GCN1: variants seen among roughly 807,000 people sequenced by gnomAD.
GCN1 encodes the protein GCN1 activator of EIF2AK4, also known as stalled ribosome sensor GCN1.
Under a neutral mutation model 288.4 loss-of-function variants are expected in GCN1, and 90 were observed. The ratio of observed to expected loss-of-function variants is 0.31; its 90% CI spans 0.26 to 0.37. GCN1 has a LOEUF of 0.37. Among genes scored for constraint, GCN1 ranks in the 10% least tolerant of loss-of-function variants. The probability of loss-of-function intolerance (pLI) is 1.00; values close to 1 mark genes in which losing one functional copy is unlikely to be tolerated. For synonymous variants in GCN1, 1,386 were observed against 1,420.2 expected, an observed-to-expected ratio of 0.98 and a Z score of 0.54; for missense variants, 2,586 against 3,419.9, an observed-to-expected ratio of 0.76 and a Z score of 6.08.
At position 120,155,795 on chromosome 12, in the gene GCN1, T is replaced by C. The variant is rs1877727944; in HGVS notation, c.3313-76A>G. 1 of 1,452,390 alleles carries C rather than the reference T, an allele frequency of 6.9e-7. No homozygotes were observed. Among genetic ancestry groups the C allele is most frequent in the East Asian group, 2.3e-5 (1 of 44,064 alleles). The allele number at this position is 1,452,390 out of a possible 1,614,324, so 90.0% of individuals were successfully genotyped here. On this transcript the variant is annotated intron_variant, in intron 28 of 57. Coordinates refer to ENST00000300648, the MANE Select transcript of GCN1 (RefSeq NM_006836.2). This position sits in a 1 kb window ranked among gnomAD's most constrained non-coding sequence, Gnocchi z 4.9. ...TCTGACCTGCCTCCTCACCTCTCTC[T>C]AGGTTGTACTGTCCAAGATGTAGCC...
chr12:120,135,843 G>A (rs972353973), intron 51 of GCN1, among the ~76,000 whole-genome samples: 3 of 151,920 alleles, frequency 2.0e-5, no homozygotes, highest in Admixed American at 6.6e-5. Flanking sequence ...GTGAAACCCT[G>A]TCTCTACTAA....
chr12:120,131,101 T>G, intron 55 of GCN1, 84 bp downstream of exon 55: 1 of 1,257,328 alleles, frequency 8.0e-7, no homozygotes, highest in South Asian at 1.3e-5. Context: ...TAAGCCCCAG[T>G]CTGGGGTCCA....
chr12:120,137,181 C>A lies in GCN1; in HGVS notation c.6777+25G>T. ...GGCACAACAGACTGCACGCCCACAG[C>A]CCCCTGCACGAGGCCCTGGCTTACC... On this transcript the variant is annotated intron_variant, in intron 50 of 57. Transcript: ENST00000300648. The surrounding 1 kb of genome is among the most constrained non-coding windows in gnomAD (Gnocchi z 5.2). The A allele has an allele frequency of 6.5e-7, 1 of 1,530,012 alleles. No homozygotes were observed. The highest frequency in any genetic ancestry group is 1.4e-5 in the African/African-American group (1 of 73,408). The allele number at this position is 1,530,012 out of a possible 1,614,324, so 94.8% of individuals were successfully genotyped here. A position where few individuals can be genotyped will look rare whatever the true frequency, so the allele number is the denominator to read the frequency against.
At chr12:120,175,591 C>T (rs1312974816) in intron 11 of GCN1, among the ~76,000 whole-genome samples, 155 bp downstream of exon 11, 1 of 152,190 alleles carries the variant, frequency 6.6e-6, no homozygotes, top group African/African-American at 2.4e-5. Flanking sequence ...CGGTTTTGTT[C>T]ATTCACACAC....
Position 120,157,766 on chromosome 12 carries a change from T to C in GCN1, c.3087+83A>G, listed in dbSNP as rs939837274. The stretch of plus-strand genomic sequence containing the variant: ...CACTCTCTATTTCCCCACCAGGAAC[T>C]GTTCATGAGACAAAACGTGTCCACA... On this transcript the variant is annotated intron_variant, in intron 26 of 57. Transcript: ENST00000300648. The C allele has an allele frequency of 3.7e-6, 4 of 1,085,710 alleles. No individual in the cohort carries two copies. In the African/African-American group the frequency reaches 6.3e-5, roughly 17 times the overall value. The allele number at this position is 1,085,710 out of a possible 1,614,324, so 67.3% of individuals were successfully genotyped here.
At position 120,175,749 on chromosome 12, in the gene GCN1, C is replaced by T; in HGVS notation, c.1039G>A (p.Gly347Arg). Residue 347 changes from glycine to arginine, a missense_variant, in exon 11 of 58, where the codon GGA (glycine) becomes AGA (arginine). Gly to Arg is a moderately radical substitution (Grantham distance 125). Transcript: ENST00000300648. ...SLTKHLFAIL[G>R]GSEGKLTVVA... is the part of the protein sequence containing the mutation. ...ATGGCCAAGAAGGCTTGCTCACCTC[C>T]GAGGATAGCAAATAGGTGCTTGGTC... 1 of 1,611,318 alleles carries T rather than the reference C, an allele frequency of 6.2e-7. No homozygotes were observed. Among genetic ancestry groups the T allele is most frequent in the South Asian group, 1.1e-5 (1 of 90,456 alleles).
At chr12:120,150,496 G>A (rs1248978381) in intron 34 of GCN1, among the ~76,000 whole-genome samples, 1 of 151,996 alleles carries the variant, frequency 6.6e-6, no homozygotes, top group Non-Finnish European at 1.5e-5. Context: ...TAGGGTGGCT[G>A]AGGTAGGAGA....
chr12:120,129,553 G>T, intron 56 of GCN1, 59 bp from the exon 57 acceptor site: 1 of 1,224,152 alleles, frequency 8.2e-7, no homozygotes, highest in Non-Finnish European at 1.2e-6. Flanking sequence ...CCTTGAAGCA[G>T]CCCAAATGCC....
chr12:120,193,539 A>C (rs1359628084), intron 1 of GCN1, among the ~76,000 whole-genome samples: 2 of 152,178 alleles, frequency 1.3e-5, no homozygotes, highest in Non-Finnish European at 2.9e-5. Flanking sequence ...TCCTGACCTC[A>C]ACTGATCCAC....
rs1172788350 is a variant in GCN1, at chr12:120,142,448, C to T, written c.5829+59G>A. On this transcript the variant is annotated intron_variant, in intron 44 of 57. Transcript: ENST00000300648. This position sits in a 1 kb window ranked among gnomAD's most constrained non-coding sequence, Gnocchi z 4.9. ...TCCCAGGCTCTGCAGACCCAGCCTT[C>T]TAGGCTCTGAAAGGAGGCACTGGGG... is the stretch of plus-strand genomic sequence containing the variant. 21 of 1,294,130 alleles carry T rather than the reference C, an allele frequency of 1.6e-5. No individual in the cohort carries two copies. The highest frequency in any genetic ancestry group is 1.2e-5 in the South Asian group (1 of 83,692). The allele number at this position is 1,294,130 out of a possible 1,614,324, so 80.2% of individuals were successfully genotyped here.
chr12:120,179,014 A>C, intron 5 of GCN1, 64 bp from the exon 6 acceptor site: 21 of 1,367,762 alleles, frequency 1.5e-5, no homozygotes, highest in Non-Finnish European at 1.9e-5. Flanking sequence ...CATGGCTCTC[A>C]TAGCCTGTAA....
chr12:120,162,909 A>G lies in GCN1; in HGVS notation c.2101T>C (p.Phe701Leu), dbSNP rs748038680. ...LARMKIDPEAFITRHLDQIIP... is the reference protein window; with the variant it reads ...LARMKIDPEALITRHLDQIIP... ...ATCTGATCCAGGTGCCTGGTGATAA[A>G]GGCTTCAGGATCGATCTTCATCCTG... The change falls in exon 20 of 58, where the codon TTT (phenylalanine) becomes CTT (leucine). Residue 701 changes from phenylalanine (F) to leucine (L), a missense_variant. By Grantham distance (22) the Phe-to-Leu change is conservative. Coordinates refer to ENST00000300648, the MANE Select transcript of GCN1 (RefSeq NM_006836.2). 2 of 1,614,178 alleles carry G rather than the reference A, an allele frequency of 1.2e-6. No homozygotes were observed. Among genetic ancestry groups the G allele is most frequent in the East Asian group, 4.5e-5 (2 of 44,876 alleles).
intron 15 of GCN1, among the ~76,000 whole-genome samples, chr12:120,169,658 C>T (rs1179428361): frequency 6.6e-6 from 1 of 152,152 alleles, no homozygotes; most frequent in African/African-American, 2.4e-5. Flanking sequence ...CATGCGCCAC[C>T]ACACCCAGCT....
At chr12:120,189,047 T>A (rs1414655425) in intron 2 of GCN1, among the ~76,000 whole-genome samples, 1 of 152,084 alleles carries the variant, frequency 6.6e-6, no homozygotes, top group Non-Finnish European at 1.5e-5. Flanking sequence ...GCAGAAGTTG[T>A]GCAGGGAGGG....
rs2286045 is a variant in GCN1 at position 120,151,260 on chromosome 12, G to A, written c.4194C>T (p.Ala1398=). 22 of 1,614,024 alleles carry A rather than the reference G, an allele frequency of 1.4e-5. No individual in the cohort carries two copies. Among genetic ancestry groups the A allele is most frequent in the Non-Finnish European group, 1.9e-5 (22 of 1,180,020 alleles). The change falls in exon 34 of 58, where the codon GCC becomes GCT. Residue 1398 remains alanine (A), a synonymous_variant. Coordinates refer to ENST00000300648, the MANE Select transcript of GCN1 (RefSeq NM_006836.2). ...CCTTCACCAGGCCCGCCAGGCCATAGGCGGCCCCTTTGCGCTCTGCGTACT... is the reference window on the plus strand; with the variant it reads ...CCTTCACCAGGCCCGCCAGGCCATAAGCGGCCCCTTTGCGCTCTGCGTACT... ...SDKYAERKGA[A]YGLAGLVKGL... is the part of the protein sequence containing the mutation.
rs1024318378 is a variant in GCN1 at position 120,133,515 on chromosome 12, A to G, written c.7317+776T>C. Reference sequence around the variant, plus strand: ...GTCTCACCCTCGAAAATAGACCTCTAAGACTTGCCACCGGGACACACCCTG... The same window carrying G: ...GTCTCACCCTCGAAAATAGACCTCTGAGACTTGCCACCGGGACACACCCTG... On this transcript the variant is annotated intron_variant, in intron 53 of 57. Coordinates refer to ENST00000300648, the MANE Select transcript of GCN1 (RefSeq NM_006836.2). Among the ~76,000 whole-genome samples the G allele has an allele frequency of 5.3e-4, 81 of 152,134 alleles. 1 individual carries two copies. Among genetic ancestry groups the G allele is most frequent in the African/African-American group, 1.9e-3 (79 of 41,426 alleles).
rs539881034 is a variant in GCN1 at position 120,136,978 on chromosome 12, C to T, written c.6777+228G>A. On this transcript the variant is annotated intron_variant, in intron 50 of 57. Transcript: ENST00000300648. ...ACATGCACTGCTGTTACCCTGTGGC[C>T]CACTCACTCTGGCCAAGGTGACCTG... is the stretch of plus-strand genomic sequence containing the variant. 1.1e-3 allele frequency among the ~76,000 whole-genome samples: 163 copies of T among 152,310 alleles called. 1 individual carries two copies. Among genetic ancestry groups the T allele is most frequent in the African/African-American group, 3.8e-3 (156 of 41,582 alleles).
At chr12:120,139,004 T>A in intron 45 of GCN1, 148 bp from the exon 46 acceptor site, 1 of 635,420 alleles carries the variant, frequency 1.6e-6, no homozygotes, top group Non-Finnish European at 2.6e-6. Context: ...CTCTTTACTG[T>A]GAAATAAAAA....
In GCN1 at chr12:120,156,337, T is replaced by G; in HGVS notation, c.3312+124A>C. The G allele has an allele frequency of 1.1e-6, 1 of 886,978 alleles. No individual in the cohort carries two copies. Among genetic ancestry groups the G allele is most frequent in the East Asian group, 2.5e-5 (1 of 39,404 alleles). 54.9% of individuals were successfully genotyped at this position (886,978 alleles called of 1,614,324 possible). ...CTCAGAGAGACCCCAACCATGTGAC[T>G]TCTTCTCTTTGCCTCTAGGCCTCCC... is the stretch of plus-strand genomic sequence containing the variant. On this transcript the variant is annotated intron_variant, in intron 28 of 57. Coordinates refer to ENST00000300648, the MANE Select transcript of GCN1 (RefSeq NM_006836.2). The surrounding 1 kb of genome is among the most constrained non-coding windows in gnomAD (Gnocchi z 5.8).
Sources: gnomAD v4.1 joint callset for allele counts (sites outside exome capture counted in the v4.1 genomes callset) on GRCh38, gnomAD v4.1.1 for gene constraint, Gnocchi (gnomAD v3.1) non-coding constraint, MANE v1.5 for transcripts, NCBI Gene and HGNC (gene_info 2026-07-23, HGNC 2026-07-21) for gene names.